KANK1: variants seen among roughly 807,000 people sequenced by gnomAD.
The protein encoded by KANK1 is KN motif and ankyrin repeat domain-containing protein 1.
A neutral mutation model predicts 106.2 loss-of-function variants in KANK1; 109 were observed. The observed-to-expected ratio is 1.03, with a 90% CI of 0.88 to 1.20. The LOEUF (loss-of-function observed/expected upper bound fraction) is 1.20. KANK1 is among the 50% of genes most tolerant of loss of function. The probability of loss-of-function intolerance (pLI) is 0.00; values close to 1 mark genes in which losing one functional copy is unlikely to be tolerated. For synonymous variants in KANK1, 873 were observed against 652.2 expected, an observed-to-expected ratio of 1.34 and a Z score of -5.16; for missense variants, 2,399 against 1,710.7, an observed-to-expected ratio of 1.40 and a Z score of -7.10.
Position 734,787 on chromosome 9 carries a change from A to G in KANK1, c.3285A>G (p.Leu1095=), listed in dbSNP as rs1203553082. ...AAAAGATGTTGTCTGCATGCAACTT[A>G]CTGAAAAATACTATAAATGACCCCA... ...LSEKMLSACN[L]LKNTINDPKA... The change falls in exon 7 of 12, where the codon TTA becomes TTG. Residue 1095 remains leucine, a synonymous_variant. Coordinates refer to ENST00000382297, the MANE Select transcript of KANK1 (RefSeq NM_015158.5). 1 of 1,613,734 alleles carries G rather than the reference A, an allele frequency of 6.2e-7. No homozygotes were observed. Among genetic ancestry groups the G allele is most frequent in the Non-Finnish European group, 8.5e-7 (1 of 1,179,712 alleles).
chr9:722,340 TCTGTCTGC>T (rs1829555520), intron 3 of KANK1, among the ~76,000 whole-genome samples: 1 of 152,142 alleles, frequency 6.6e-6, no homozygotes. Flanking sequence ...TGTCTCTCTG[TCTGTCTGC>T]CTCTCTTGCT....
intron 1 of KANK1, among the ~76,000 whole-genome samples, chr9:645,945 A>G (rs572553667): frequency 4.0e-5 from 6 of 151,032 alleles, no homozygotes; most frequent in South Asian, 4.1e-4. Context: ...TAAAAGATTT[A>G]TTTCAACAAA....
At position 666,402 on chromosome 9, in the gene KANK1, G is replaced by A. The variant is rs572793492; in HGVS notation, c.-83-10488G>A. ...AGATCCTGTCGTTTACATTCAAAGC[G>A]AATTTGACTTCTTTCTTTCCAATAT... On this transcript the variant is annotated intron_variant, in intron 1 of 11. Coordinates refer to ENST00000382297, the MANE Select transcript of KANK1 (RefSeq NM_015158.5). 1.0e-3 allele frequency among the ~76,000 whole-genome samples: 158 copies of A among 152,148 alleles called. 2 individuals carry two copies. Among genetic ancestry groups the A allele is most frequent in the African/African-American group, 3.5e-3 (145 of 41,524 alleles).
At chr9:671,992 T>C (rs1343539384) in intron 1 of KANK1, among the ~76,000 whole-genome samples, 2 of 152,180 alleles carry the variant, frequency 1.3e-5, no homozygotes, top group Non-Finnish European at 2.9e-5. Context: ...GCAGCTTTCT[T>C]ATCTAAAAAG....
chr9:507,969 C>T (rs1314961129), intron 1 of KANK1, among the ~76,000 whole-genome samples: 6 of 151,614 alleles, frequency 4.0e-5, no homozygotes, highest in Non-Finnish European at 5.9e-5. Flanking sequence ...TACAGGCATG[C>T]GCCCCCACAC....
intron 3 of KANK1, among the ~76,000 whole-genome samples, chr9:490,352 A>AAG (rs2058357983): frequency 6.6e-6 from 1 of 151,744 alleles, no homozygotes; most frequent in African/African-American, 2.4e-5. Context: ...CTAAAATTAA[A>AAG]AAGAAAAAAA....
intron 1 of KANK1, among the ~76,000 whole-genome samples, chr9:575,480 C>T (rs918102588): frequency 3.7e-5 from 5 of 136,320 alleles, no homozygotes; most frequent in African/African-American, 1.4e-4. Context: ...CCAGCTTGGG[C>T]AACATAGCAA....
intron 2 of KANK1, among the ~76,000 whole-genome samples, chr9:471,988 C>T (rs562854382): frequency 6.6e-6 from 1 of 152,288 alleles, no homozygotes; most frequent in Non-Finnish European, 1.5e-5. Context: ...CCAACCCCAA[C>T]TTCAATTAAA....
chr9:669,691 T>C (rs181619474), intron 1 of KANK1, among the ~76,000 whole-genome samples: 69 of 152,288 alleles, frequency 4.5e-4, no homozygotes, highest in Admixed American at 2.7e-3. Context: ...TTTATTATTA[T>C]ATGCCTTGGG....
intron 2 of KANK1, among the ~76,000 whole-genome samples, chr9:696,735 G>GC (rs1237023090): frequency 2.0e-5 from 3 of 152,116 alleles, no homozygotes. Context: ...ACATCACTTT[G>GC]CAAGGATAGT....
At chr9:608,057 G>A (rs529556610) in intron 1 of KANK1, among the ~76,000 whole-genome samples, 70 of 116,370 alleles carry the variant, frequency 6.0e-4, no homozygotes, top group Non-Finnish European at 9.2e-4. Context: ...TTGAGACGGA[G>A]TCTCGCTCTG....
intron 1 of KANK1, among the ~76,000 whole-genome samples, chr9:513,773 T>C (rs941710447): frequency 3.9e-5 from 6 of 152,178 alleles, no homozygotes; most frequent in African/African-American, 1.2e-4. Flanking sequence ...GTAGATACTT[T>C]GGGAGGCCGA....
At chr9:659,580 A>G (rs1311873606) in intron 1 of KANK1, among the ~76,000 whole-genome samples, 1 of 152,218 alleles carries the variant, frequency 6.6e-6, no homozygotes, top group Non-Finnish European at 1.5e-5. Flanking sequence ...AAAAAGGCTT[A>G]ATCGACTCAC....
At chr9:718,953 CTTTTTTTTTT>C (rs35097931) in intron 3 of KANK1, among the ~76,000 whole-genome samples, 1,199 of 78,388 alleles carry the variant, frequency 0.015, 26 homozygotes, top group African/African-American at 0.058. Flanking sequence ...TGCTCGAGCC[CTTTTTTTTTT>C]TTTTTTTTTT....
rs986771749 is a variant in KANK1, at chr9:712,642, C to T, written c.1876C>T (p.Arg626Trp). Residue 626 changes from arginine (R) to tryptophan (W), a missense_variant, in exon 3 of 12, where the codon CGG (arginine) becomes TGG (tryptophan). By Grantham distance (101) the Arg-to-Trp change is moderately radical. Transcript: ENST00000382297. Reference sequence around the variant, plus strand: ...GACAAACTTGAATCTCAAAGAAGTGCGGTCTATCGGTTGTGGAGATTGTTC... The same window carrying T: ...GACAAACTTGAATCTCAAAGAAGTGTGGTCTATCGGTTGTGGAGATTGTTC... Reference protein sequence around the residue: ...LKTNLNLKEVRSIGCGDCSVD... With the variant: ...LKTNLNLKEVWSIGCGDCSVD... 9.3e-6 allele frequency: 15 copies of T among 1,614,000 alleles called. No homozygotes were observed. Among genetic ancestry groups the T allele is most frequent in the Middle Eastern group, 1.6e-4 (1 of 6,084 alleles).
intron 7 of KANK1, 96 bp downstream of exon 7, chr9:734,931 G>T: frequency 1.2e-6 from 1 of 855,146 alleles, no homozygotes; most frequent in South Asian, 1.4e-5. Flanking sequence ...GCTGTTGCTT[G>T]CATGCTTTTC....
At chr9:591,726 G>C (rs1354392056) in intron 1 of KANK1, among the ~76,000 whole-genome samples, 1 of 151,646 alleles carries the variant, frequency 6.6e-6, no homozygotes, top group African/African-American at 2.4e-5. Context: ...GTGCGATCTT[G>C]GCTCACTCTG....
intron 1 of KANK1, among the ~76,000 whole-genome samples, chr9:544,323 C>T (rs1164807153): frequency 1.3e-5 from 2 of 152,074 alleles, no homozygotes; most frequent in Non-Finnish European, 2.9e-5. Context: ...GCACCTGGCC[C>T]TGTTAACTTC....
chr9:623,080 T>C (rs1415041129), intron 1 of KANK1, among the ~76,000 whole-genome samples: 1 of 152,104 alleles, frequency 6.6e-6, no homozygotes, highest in East Asian at 1.9e-4. Context: ...GCCAAAAAGC[T>C]TCTGCACGGC....
Sources: gnomAD v4.1 joint callset for allele counts (sites outside exome capture counted in the v4.1 genomes callset) on GRCh38, gnomAD v4.1.1 for gene constraint, MANE v1.5 for transcripts, NCBI Gene and HGNC (gene_info 2026-07-23, HGNC 2026-07-21) for gene names.